Variants in SPOCK3 observed in about 807,000 individuals in gnomAD.
SPOCK3 encodes the protein testican-3.
SPOCK3 carries 30 observed loss-of-function variants against 56.6 expected under a neutral mutation model. That is an observed-to-expected ratio of 0.53 (90% CI 0.40 to 0.72). The LOEUF (loss-of-function observed/expected upper bound fraction) is 0.72. Ranked by LOEUF, SPOCK3 falls within the 30% of genes least tolerant of loss-of-function variation. The pLI, the probability that SPOCK3 is intolerant of heterozygous loss-of-function variation, is 0.00. For missense variants in SPOCK3, 527 were observed against 530.0 expected, an observed-to-expected ratio of 0.99 and a Z score of 0.06; for synonymous variants, 196 against 183.3, an observed-to-expected ratio of 1.07 and a Z score of -0.56.
intron 6 of SPOCK3, among the ~76,000 whole-genome samples, chr4:166,818,050 T>C (rs1185691008): frequency 1.3e-5 from 2 of 152,094 alleles, no homozygotes; most frequent in African/African-American, 2.4e-5. Flanking sequence ...ATGTCCAAGA[T>C]TACACACTTA....
At chr4:166,765,650 G>A (rs2126533960) in intron 7 of SPOCK3, among the ~76,000 whole-genome samples, 1 of 152,300 alleles carries the variant, frequency 6.6e-6, no homozygotes, top group East Asian at 1.9e-4. Context: ...TTTTGGCTTA[G>A]GATTGTTTTG....
chr4:167,125,529 C>T (rs1412535521), intron 2 of SPOCK3, among the ~76,000 whole-genome samples: 2 of 151,448 alleles, frequency 1.3e-5, no homozygotes, highest in Non-Finnish European at 2.9e-5. Flanking sequence ...CTGGCTAACA[C>T]GGCGAAACCC....
At chr4:166,744,538 C>T (rs1015268804) in intron 8 of SPOCK3, among the ~76,000 whole-genome samples, 1 of 144,874 alleles carries the variant, frequency 6.9e-6, no homozygotes, top group African/African-American at 2.7e-5. Flanking sequence ...GAAACCAGAG[C>T]AGAAAAGCTG....
chr4:167,155,333 G>A (rs1281188912), intron 2 of SPOCK3, among the ~76,000 whole-genome samples: 1 of 151,640 alleles, frequency 6.6e-6, no homozygotes, highest in Non-Finnish European at 1.5e-5. Context: ...GGACAGGCTG[G>A]TCTTGAACTC....
rs530673830 is a variant in SPOCK3, at chr4:167,218,026, A to C, written c.189+15959T>G. On this transcript the variant is annotated intron_variant, in intron 2 of 10. Transcript: ENST00000357545. ...ATAAAAAGGTGAAAATTAAGTTATG[A>C]AAGTCCAATAACTAAGAACAAACTT... Among the ~76,000 whole-genome samples, 3 of 152,304 alleles carry C rather than the reference A, an allele frequency of 2.0e-5. No individual in the cohort carries two copies. In the South Asian group the frequency reaches 6.2e-4, roughly 32 times the overall value.
intron 10 of SPOCK3, among the ~76,000 whole-genome samples, chr4:166,737,067 A>T (rs1288433166): frequency 6.6e-6 from 1 of 152,116 alleles, no homozygotes; most frequent in Non-Finnish European, 1.5e-5. Context: ...GAACCCACAT[A>T]TTCCCTAAGT....
intron 7 of SPOCK3, among the ~76,000 whole-genome samples, chr4:166,774,730 A>G (rs1259610087): frequency 2.0e-5 from 3 of 152,154 alleles, no homozygotes. Flanking sequence ...CTGGGAACAC[A>G]TATAAAGCTG....
chr4:167,186,271 A>T (rs527549691), intron 2 of SPOCK3, among the ~76,000 whole-genome samples: 15 of 152,360 alleles, frequency 9.8e-5, no homozygotes, highest in African/African-American at 3.1e-4. Flanking sequence ...ATTATTTTAC[A>T]TTTAAAAATA....
intron 6 of SPOCK3, among the ~76,000 whole-genome samples, chr4:166,806,063 A>T: frequency 6.6e-6 from 1 of 152,216 alleles, no homozygotes; most frequent in African/African-American, 2.4e-5. Flanking sequence ...ATTTAAAAGC[A>T]ATGTTGAAAA....
chr4:166,980,970 A>G (rs1052931603), intron 4 of SPOCK3, among the ~76,000 whole-genome samples: 2 of 152,202 alleles, frequency 1.3e-5, no homozygotes, highest in Non-Finnish European at 2.9e-5. Context: ...CAGTTCCACC[A>G]TTCAGCAGGT....
At chr4:167,232,952 C>A (rs566816697) in intron 2 of SPOCK3, among the ~76,000 whole-genome samples, 1 of 152,140 alleles carries the variant, frequency 6.6e-6, no homozygotes, top group Non-Finnish European at 1.5e-5. Context: ...TAACTCATCT[C>A]CACGTAGTGC....
chr4:167,114,566 G>A (rs565412527), intron 2 of SPOCK3, among the ~76,000 whole-genome samples: 52 of 152,264 alleles, frequency 3.4e-4, no homozygotes, highest in Non-Finnish European at 4.1e-4. Context: ...GAGGAATCCA[G>A]TATGGAGGAG....
chr4:166,857,849 CA>C (rs765191237), intron 6 of SPOCK3, among the ~76,000 whole-genome samples: 1 of 152,114 alleles, frequency 6.6e-6, no homozygotes, highest in Non-Finnish European at 1.5e-5. Flanking sequence ...TTTGCCTTGC[CA>C]AAAAGCAGTG....
Position 166,970,294 on chromosome 4 carries a change from CTATAA to C in SPOCK3, c.350+30050_350+30054del, listed in dbSNP as rs528905367. On this transcript the variant is annotated intron_variant, in intron 4 of 10. Coordinates refer to ENST00000357545, the MANE Select transcript of SPOCK3 (RefSeq NM_001040159.2). Reference sequence around the variant, plus strand: ...AGGCTGACTTACACTAGCTCCTTACCTATAATGTTCAGATTTGGGACTTTATTATG... The same window carrying C: ...AGGCTGACTTACACTAGCTCCTTACCTGTTCAGATTTGGGACTTTATTATG... 1.6e-4 allele frequency among the ~76,000 whole-genome samples: 25 copies of C among 152,298 alleles called. No individual in the cohort carries two copies. The South Asian group carries it at 5.2e-3, about 32-fold the overall frequency.
chr4:166,889,876 C>T (rs989786280), intron 5 of SPOCK3, among the ~76,000 whole-genome samples: 2 of 151,902 alleles, frequency 1.3e-5, no homozygotes, highest in Non-Finnish European at 2.9e-5. Flanking sequence ...AGAGAACAAA[C>T]ATATATATTT....
chr4:167,033,716 C>T lies in SPOCK3; in HGVS notation c.235+28776G>A, dbSNP rs1316039043. On this transcript the variant is annotated intron_variant, in intron 3 of 10. Transcript: ENST00000357545. ...AGGGAATCTTCCTTGCCTGCCTGGG[C>T]CCCAGTGTTACCAAAAATATTTATA... is the stretch of plus-strand genomic sequence containing the variant. Among the ~76,000 whole-genome samples, 4 of 151,838 alleles carry T rather than the reference C, an allele frequency of 2.6e-5. No homozygotes were observed. In the East Asian group the frequency reaches 7.8e-4, roughly 29 times the overall value.
intron 5 of SPOCK3, among the ~76,000 whole-genome samples, chr4:166,894,348 G>C (rs961831514): frequency 6.6e-6 from 1 of 152,106 alleles, no homozygotes; most frequent in Admixed American, 6.6e-5. Context: ...AGAGGGAAGA[G>C]AGGCAAGCCC....
intron 2 of SPOCK3, among the ~76,000 whole-genome samples, chr4:167,179,482 T>A (rs1731265184): frequency 6.6e-6 from 1 of 152,284 alleles, no homozygotes; most frequent in African/African-American, 2.4e-5. Context: ...ACTCTTTGAG[T>A]TGCTAACATA....
chr4:167,073,781 C>A (rs1756918423), intron 2 of SPOCK3, among the ~76,000 whole-genome samples: 1 of 151,726 alleles, frequency 6.6e-6, no homozygotes, highest in African/African-American at 2.4e-5. Flanking sequence ...GTTGCTATTA[C>A]CTGTAGTAAC....
Sources: allele counts gnomAD v4.1 joint callset (sites outside exome capture counted in the v4.1 genomes callset), GRCh38; gene constraint gnomAD v4.1.1; transcripts MANE v1.5; gene names NCBI Gene and HGNC (gene_info 2026-07-23, HGNC 2026-07-21).